Variants in ZNF397 observed in about 807,000 individuals in gnomAD.
The protein encoded by ZNF397 is zinc finger and SCAN domain-containing protein 15.
A neutral mutation model predicts 50.6 loss-of-function variants in ZNF397; 38 were observed. The observed-to-expected ratio is 0.75, with a 90% CI of 0.58 to 0.98. The LOEUF (loss-of-function observed/expected upper bound fraction) is 0.98. Ranked by LOEUF, ZNF397 falls within the 50% of genes least tolerant of loss-of-function variation. ZNF397 has a pLI of 0.00. For missense variants in ZNF397, 624 were observed against 624.1 expected (o/e 1.00, Z 0.00); for synonymous variants, 228 against 215.2 (o/e 1.06, Z -0.52).
rs926023392 is a variant in ZNF397 at position 35,248,138 on chromosome 18, G to A, written c.*1828G>A. 2 of 152,134 alleles carry A rather than the reference G, an allele frequency of 1.3e-5. No individual in the cohort carries two copies. Among genetic ancestry groups the A allele is most frequent in the Admixed American group, 6.5e-5 (1 of 15,276 alleles). The allele number at this position is 152,134 out of a possible 1,614,324, so 9.4% of individuals were successfully genotyped here. On this transcript the variant is annotated 3_prime_UTR_variant, in exon 4 of 4. Coordinates refer to ENST00000330501, the MANE Select transcript of ZNF397 (RefSeq NM_001135178.3). ...TGTACAGGTTAACCAGCAACACAAA[G>A]ACATATTCAAAAGACCTAATAGGTC... is the stretch of plus-strand genomic sequence containing the variant.
Position 35,247,570 on chromosome 18 carries a change from A to C in ZNF397, c.*1260A>C, listed in dbSNP as rs555930870. ...TTCCCTTGGGCTTTGGTGCTCAAAA[A>C]ATATTTGTCAGTTGCTGGGTCTGTG... On this transcript the variant is annotated 3_prime_UTR_variant, in exon 4 of 4. Coordinates refer to ENST00000330501, the MANE Select transcript of ZNF397 (RefSeq NM_001135178.3). 3 of 151,920 alleles carry C rather than the reference A, an allele frequency of 2.0e-5. No individual in the cohort carries two copies. In the East Asian group the frequency reaches 5.8e-4, roughly 29 times the overall value. The allele number at this position is 151,920 out of a possible 1,614,324, so 9.4% of individuals were successfully genotyped here.
rs1443632719 is a variant in ZNF397, at chr18:35,249,217, G to C, written c.*2907G>C. On this transcript the variant is annotated 3_prime_UTR_variant, in exon 4 of 4. Transcript: ENST00000330501. ...GGACATTGGGACTCTAATGCTGCTG[G>C]TAAGACATGAATAAATACATACCAT... The C allele has an allele frequency of 3.9e-5, 6 of 152,150 alleles. No homozygotes were observed. The highest frequency in any genetic ancestry group is 1.4e-4 in the African/African-American group (6 of 41,428). 9.4% of individuals were successfully genotyped at this position (152,150 alleles called of 1,614,324 possible).
intron 2 of ZNF397, 132 bp from the exon 3 acceptor site, chr18:35,243,020 T>A: frequency 2.7e-6 from 4 of 1,497,754 alleles, no homozygotes; most frequent in Non-Finnish European, 3.6e-6. Context: ...CATACTTGTC[T>A]ATACCCTTGA....
chr18:35,242,349 T>G, intron 1 of ZNF397, 42 bp from the exon 2 acceptor site: 2 of 933,246 alleles, frequency 2.1e-6, no homozygotes, highest in East Asian at 4.9e-5. Flanking sequence ...TACTTAGAGA[T>G]TTTATTGATT....
At chr18:35,251,665 G>A (rs746691849), downstream of ZNF397, 4 of 152,170 alleles carry the variant, frequency 2.6e-5, no homozygotes, top group Admixed American at 6.6e-5. Flanking sequence ...TGATTGATAA[G>A]TGCCTAGCAT....
Position 35,247,045 on chromosome 18 carries a change from G to A in ZNF397, c.*735G>A, listed in dbSNP as rs1247070824. 1.0e-6 allele frequency: 1 copy of A among 968,126 alleles called. No homozygotes were observed. The highest frequency in any genetic ancestry group is 1.1e-4 in the East Asian group (1 of 8,734). The allele number at this position is 968,126 out of a possible 1,614,324, so 60.0% of individuals were successfully genotyped here. ...GAAATGGCCTGAAGGATGAGGAGGA[G>A]TTAGCCAAGGTGGTACTCTAGGGAA... On this transcript the variant is annotated 3_prime_UTR_variant, in exon 4 of 4. Transcript: ENST00000330501.
At chr18:35,254,470 G>GTATT, downstream of ZNF397, 1 of 1,595,088 alleles carries the variant, frequency 6.3e-7, no homozygotes, top group Non-Finnish European at 8.5e-7. Context: ...AATGAAATAG[G>GTATT]TATTTATTTA....
intron 2 of ZNF397, 54 bp downstream of exon 2, chr18:35,242,938 A>C: frequency 6.4e-7 from 1 of 1,551,282 alleles, no homozygotes; most frequent in Non-Finnish European, 8.7e-7. Context: ...TGGAGCATGT[A>C]ATGGTATCAT....
chr18:35,250,523 T>TAGGC (rs10650692), downstream of ZNF397, among the ~76,000 whole-genome samples: 135,254 of 151,904 alleles, frequency 0.89, 60,548 homozygotes, highest in Non-Finnish European at 0.92. Context: ...ATGTGCAATT[T>TAGGC]AGTGTACTTA....
intron 5 of ZNF397, among the ~76,000 whole-genome samples, chr18:35,256,076 T>A (rs1378146351): frequency 2.0e-5 from 3 of 152,060 alleles, no homozygotes; most frequent in Non-Finnish European, 4.4e-5. Flanking sequence ...CTTATGGGAT[T>A]TAAATACGTC....
chr18:35,250,560 C>T (rs553303381), downstream of ZNF397, among the ~76,000 whole-genome samples: 9 of 152,288 alleles, frequency 5.9e-5, no homozygotes, highest in Admixed American at 6.5e-5. Context: ...TTTCCCCTTC[C>T]CTCATTTCCA....
rs2043481151 is a variant in ZNF397, at chr18:35,246,300, CTA to C, written c.1598_1599del (p.Ile533LysfsTer9). ...CTTATGCGCCATCAAAGAGTCCACA[CTA>C]TAAAGTAATTTGTGAATACTGTGAA... On this transcript the variant is annotated frameshift_variant, in exon 4 of 4. Coordinates refer to ENST00000330501, the MANE Select transcript of ZNF397 (RefSeq NM_001135178.3). LOFTEE classifies it high-confidence loss of function. 3 of 1,534,520 alleles carry C rather than the reference CTA, an allele frequency of 2.0e-6. No individual in the cohort carries two copies. In the African/African-American group the frequency reaches 4.2e-5, roughly 21 times the overall value.
At chr18:35,245,063 C>T (rs1375650806) in intron 3 of ZNF397, among the ~76,000 whole-genome samples, 199 bp from the exon 4 acceptor site, 1 of 151,790 alleles carries the variant, frequency 6.6e-6, no homozygotes, top group African/African-American at 2.4e-5. Flanking sequence ...TCAAAAGAGG[C>T]AGGAAAGGAT....
chr18:35,248,230 G>T lies in ZNF397; in HGVS notation c.*1920G>T, dbSNP rs1479638201. The T allele has an allele frequency of 6.6e-6, 1 of 152,132 alleles. No homozygotes were observed. The highest frequency in any genetic ancestry group is 1.5e-5 in the Non-Finnish European group (1 of 68,030). The allele number at this position is 152,132 out of a possible 1,614,324, so 9.4% of individuals were successfully genotyped here. ...ATCTAGAATCATGTGCATAGAAAAA[G>T]AATTTTCATGAGGATAAAAAGAAGC... On this transcript the variant is annotated 3_prime_UTR_variant, in exon 4 of 4. Transcript: ENST00000330501.
At chr18:35,245,137 A>G in intron 3 of ZNF397, 125 bp from the exon 4 acceptor site, 1 of 1,267,014 alleles carries the variant, frequency 7.9e-7, no homozygotes, top group Non-Finnish European at 1.0e-6. Context: ...TGGCCAGTTG[A>G]AAAAAAAGAT....
chr18:35,243,080 C>CTT (rs1912639779), intron 2 of ZNF397, 72 bp from the exon 3 acceptor site: 1 of 1,603,690 alleles, frequency 6.2e-7, no homozygotes, highest in African/African-American at 1.3e-5. Context: ...TCATTGACCT[C>CTT]TTTGAGATTT....
intron 3 of ZNF397, 44 bp downstream of exon 3, chr18:35,243,337 T>C: frequency 6.2e-7 from 1 of 1,613,994 alleles, no homozygotes; most frequent in South Asian, 1.1e-5. Flanking sequence ...CACTTAGGCC[T>C]CTGTTTTTGA....
At chr18:35,241,577 A>G (rs1312299986) in intron 1 of ZNF397, 1 of 152,252 alleles carries the variant, frequency 6.6e-6, no homozygotes. Flanking sequence ...ATTTGTTACC[A>G]TATTTTGCTT....
At chr18:35,254,558 C>G, downstream of ZNF397, 3 of 1,102,372 alleles carry the variant, frequency 2.7e-6, no homozygotes, top group Non-Finnish European at 3.9e-6. Flanking sequence ...ATATGGCCCC[C>G]TTGGAGAGTA....
Sources: allele counts gnomAD v4.1 joint callset (sites outside exome capture counted in the v4.1 genomes callset), GRCh38; gene constraint gnomAD v4.1.1; transcripts MANE v1.5; gene names NCBI Gene and HGNC (gene_info 2026-07-23, HGNC 2026-07-21).